SOBP: variants seen among roughly 807,000 people sequenced by gnomAD.
SOBP encodes the protein sine oculis-binding protein homolog.
A neutral mutation model predicts 53.6 loss-of-function variants in SOBP; 4 were observed. That is an observed-to-expected ratio of 0.07 (90% confidence interval 0.04 to 0.17). SOBP has a LOEUF of 0.17. SOBP is among the 10% of genes least tolerant of loss of function. SOBP has a pLI of 1.00. For missense variants in SOBP, 1,088 were observed against 1,204.7 expected (o/e 0.90, Z 1.43); for synonymous variants, 584 against 522.6 (o/e 1.12, Z -1.60).
rs1208665193 is a variant in SOBP at position 107,634,275 on chromosome 6, C to G, written c.1431C>G (p.Pro477=). 3 of 1,558,332 alleles carry G rather than the reference C, an allele frequency of 1.9e-6. No homozygotes were observed. The Admixed American group carries it at 5.5e-5, about 28-fold the overall frequency. ...CCGGGAACCCCCCAGGCCTGCTGCC[C>G]CCGCCGCCTCCGGGCGCCCCGCTGC... ...TMPGNPPGLL[P]PPPPGAPLPS... The change falls in exon 6 of 7, where the codon CCC becomes CCG. Residue 477 remains proline, a synonymous_variant. Coordinates refer to ENST00000317357, the MANE Select transcript of SOBP (RefSeq NM_018013.4). The surrounding 1 kb of genome is among the most constrained non-coding windows in gnomAD (Gnocchi z 4.5).
intron 1 of SOBP, among the ~76,000 whole-genome samples, chr6:107,495,659 T>C (rs1315574813): frequency 6.6e-6 from 1 of 151,996 alleles, no homozygotes; most frequent in Non-Finnish European, 1.5e-5. Context: ...AACCAAGAGG[T>C]AACAGAATTT....
chr6:107,527,664 A>G (rs1308276034), intron 3 of SOBP, among the ~76,000 whole-genome samples: 1 of 152,218 alleles, frequency 6.6e-6, no homozygotes, highest in Non-Finnish European at 1.5e-5. Context: ...CTCTTGTCAC[A>G]CACAACTAGA....
At chr6:107,618,334 C>A (rs1159339031) in intron 5 of SOBP, among the ~76,000 whole-genome samples, 2 of 152,172 alleles carry the variant, frequency 1.3e-5, no homozygotes, top group African/African-American at 2.4e-5. Flanking sequence ...AAGTATTTGT[C>A]TGGTTAGAAG....
chr6:107,638,190 GTTTGT>G (rs1771136331), intron 6 of SOBP, among the ~76,000 whole-genome samples: 1 of 125,142 alleles, frequency 8.0e-6, no homozygotes, highest in African/African-American at 2.8e-5. Flanking sequence ...GCCCTTCCTG[GTTTGT>G]TTTATTTATT....
chr6:107,541,438 C>T (rs550515142), intron 4 of SOBP, among the ~76,000 whole-genome samples: 60 of 152,202 alleles, frequency 3.9e-4, no homozygotes, highest in Middle Eastern at 3.4e-3. Flanking sequence ...GAAGTTATGA[C>T]GTAATTCAAA....
chr6:107,495,721 A>G (rs1782683439), intron 1 of SOBP, among the ~76,000 whole-genome samples: 1 of 152,230 alleles, frequency 6.6e-6, no homozygotes, highest in South Asian at 2.1e-4. Flanking sequence ...ATTAGTGAGC[A>G]CAGTGGCTCT....
At chr6:107,549,511 G>A (rs990405667) in intron 4 of SOBP, among the ~76,000 whole-genome samples, 83 of 151,368 alleles carry the variant, frequency 5.5e-4, no homozygotes, top group Admixed American at 3.7e-3. Context: ...CATTAAATGC[G>A]ATGAAAGAAG....
At chr6:107,507,859 C>G (rs1192698623) in intron 3 of SOBP, among the ~76,000 whole-genome samples, 2 of 151,696 alleles carry the variant, frequency 1.3e-5, no homozygotes, top group Admixed American at 1.3e-4. Flanking sequence ...TCTTATATTT[C>G]CAGAAAATTA....
chr6:107,613,193 G>A (rs1176103364), intron 5 of SOBP, among the ~76,000 whole-genome samples: 2 of 152,190 alleles, frequency 1.3e-5, no homozygotes, highest in Non-Finnish European at 2.9e-5. Context: ...TGGAGGCTGT[G>A]TGCCCTACTG....
intron 6 of SOBP, among the ~76,000 whole-genome samples, chr6:107,642,334 A>T (rs1771364782): frequency 6.6e-6 from 1 of 152,190 alleles, no homozygotes; most frequent in Non-Finnish European, 1.5e-5. Flanking sequence ...ACTTATTTCA[A>T]GGGTCATCGA....
At chr6:107,576,635 A>G (rs1179064839) in intron 4 of SOBP, among the ~76,000 whole-genome samples, 1 of 152,132 alleles carries the variant, frequency 6.6e-6, no homozygotes, top group Non-Finnish European at 1.5e-5. Flanking sequence ...TGGGAATGGT[A>G]TGGAAGTGGG....
intron 1 of SOBP, among the ~76,000 whole-genome samples, chr6:107,493,840 G>A (rs2035227255): frequency 6.6e-6 from 1 of 152,206 alleles, no homozygotes; most frequent in Non-Finnish European, 1.5e-5. Context: ...ATTGAAGAGT[G>A]TCTTCATGTG....
chr6:107,571,641 G>C (rs1785076223), intron 4 of SOBP, among the ~76,000 whole-genome samples: 1 of 152,208 alleles, frequency 6.6e-6, no homozygotes, highest in African/African-American at 2.4e-5. Context: ...ACGGGGAAGA[G>C]AGCTGTCTGT....
chr6:107,560,100 T>C (rs1784731845), intron 4 of SOBP, among the ~76,000 whole-genome samples: 1 of 152,210 alleles, frequency 6.6e-6, no homozygotes, highest in South Asian at 2.1e-4. Context: ...TGCCTTAGAA[T>C]AACCATTCTT....
intron 4 of SOBP, among the ~76,000 whole-genome samples, chr6:107,550,426 T>TA (rs1206553127): frequency 1.1e-4 from 16 of 152,340 alleles, no homozygotes; most frequent in African/African-American, 3.8e-4. Flanking sequence ...TTTATCCACT[T>TA]ACGCATTTAT....
At chr6:107,584,520 G>A (rs1276431648) in intron 4 of SOBP, among the ~76,000 whole-genome samples, 1 of 152,190 alleles carries the variant, frequency 6.6e-6, no homozygotes, top group Non-Finnish European at 1.5e-5. Context: ...TGGAAACACA[G>A]CAAATGGCTG....
At chr6:107,540,182 C>T (rs1784111398) in intron 4 of SOBP, among the ~76,000 whole-genome samples, 1 of 152,208 alleles carries the variant, frequency 6.6e-6, no homozygotes, top group South Asian at 2.1e-4. Context: ...TTTGCAATGT[C>T]TGGTCACAAT....
intron 3 of SOBP, among the ~76,000 whole-genome samples, chr6:107,516,824 G>T (rs9486638): frequency 0.94 from 143,182 of 152,224 alleles, 67,597 homozygotes; most frequent in Middle Eastern, 0.97. Flanking sequence ...TGTGTAAGAT[G>T]GTTACACAGA....
intron 4 of SOBP, among the ~76,000 whole-genome samples, chr6:107,556,102 C>A (rs867205229): frequency 8.5e-5 from 13 of 152,210 alleles, no homozygotes; most frequent in South Asian, 2.1e-4. Context: ...TATGCATTTA[C>A]ACTTGACCTG....
Sources: gnomAD v4.1 joint callset for allele counts (sites outside exome capture counted in the v4.1 genomes callset) on GRCh38, gnomAD v4.1.1 for gene constraint, Gnocchi (gnomAD v3.1) non-coding constraint, MANE v1.5 for transcripts, NCBI Gene and HGNC (gene_info 2026-07-23, HGNC 2026-07-21) for gene names.